ARMC9: variants seen among roughly 807,000 people sequenced by gnomAD.
The protein encoded by ARMC9 is armadillo repeat containing 9, also known as lisH domain-containing protein ARMC9.
Under a neutral mutation model 107.0 loss-of-function variants are expected in ARMC9, and 94 were observed. The ratio of observed to expected loss-of-function variants is 0.88; its 90% CI spans 0.74 to 1.04. The LOEUF (loss-of-function observed/expected upper bound fraction) is 1.04, where lower values mean the gene tolerates loss of function less well. ARMC9 is among the 50% of genes least tolerant of loss of function. The pLI is 0.00. For synonymous variants in ARMC9, 380 were observed against 396.9 expected (o/e 0.96, Z 0.51); for missense variants, 942 against 1,030.1 (o/e 0.91, Z 1.17).
At chr2:231,338,042 A>G (rs1188504962) in intron 20 of ARMC9, among the ~76,000 whole-genome samples, 2 of 152,116 alleles carry the variant, frequency 1.3e-5, no homozygotes, top group African/African-American at 4.8e-5. Context: ...GTCAGAGCCC[A>G]GGCTCTTTTC....
At chr2:231,241,397 A>G (rs550901316) in intron 9 of ARMC9, among the ~76,000 whole-genome samples, 6 of 152,000 alleles carry the variant, frequency 3.9e-5, no homozygotes, top group African/African-American at 7.3e-5. Flanking sequence ...TTGTCTCTCA[A>G]AGTCTTCAAA....
intron 17 of ARMC9, among the ~76,000 whole-genome samples, chr2:231,289,849 T>C (rs574019640): frequency 6.2e-4 from 95 of 152,312 alleles, no homozygotes; most frequent in African/African-American, 2.2e-3. Flanking sequence ...ATCCTAACCC[T>C]CTGCTCTTCT....
intron 3 of ARMC9, 86 bp from the exon 4 acceptor site, chr2:231,214,745 G>A (rs1261080660): frequency 8.8e-6 from 12 of 1,356,308 alleles, no homozygotes; most frequent in Non-Finnish European, 1.0e-5. Context: ...AGGAGTATAT[G>A]GGAGATCTGT....
At chr2:231,318,803 C>G (rs992749626) in intron 19 of ARMC9, among the ~76,000 whole-genome samples, 1 of 152,182 alleles carries the variant, frequency 6.6e-6, no homozygotes, top group African/African-American at 2.4e-5. Flanking sequence ...CTGACCTACT[C>G]CTGTTCCAGG....
rs1469929700 is a variant in ARMC9 at position 231,373,585 on chromosome 2, A to AT, written c.*2051dup. Reference sequence around the variant, plus strand: ...ATAGTCTTTTAGAGAAGTGGGGAGTATCCAACTTAGGGTCAAAATACACTG... The same window carrying AT: ...ATAGTCTTTTAGAGAAGTGGGGAGTATTCCAACTTAGGGTCAAAATACACTG... On this transcript the variant is annotated 3_prime_UTR_variant, in exon 25 of 25. Coordinates refer to ENST00000611582, the MANE Select transcript of ARMC9 (RefSeq NM_001352754.2). This position sits in a 1 kb window ranked among gnomAD's most constrained non-coding sequence, Gnocchi z 4.4. The AT allele has an allele frequency of 6.6e-6, 1 of 152,210 alleles. No individual in the cohort carries two copies. Among genetic ancestry groups the AT allele is most frequent in the Non-Finnish European group, 1.5e-5 (1 of 68,058 alleles). 9.4% of individuals were successfully genotyped at this position (152,210 alleles called of 1,614,324 possible).
rs151193935 is a variant in ARMC9 at position 231,285,577 on chromosome 2, C to T, written c.1626+3444C>T. Among the ~76,000 whole-genome samples the T allele has an allele frequency of 6.9e-3, 1,039 of 151,470 alleles. 11 individuals are homozygous for T. The highest frequency in any genetic ancestry group is 0.024 in the African/African-American group (998 of 41,260). On this transcript the variant is annotated intron_variant, in intron 17 of 24. Transcript: ENST00000611582. ...AGGAGAATCGCTTGAACCCAGGAGA[C>T]AGAGGTTGTAGTGAGCTGAGATCAT...
intron 19 of ARMC9, among the ~76,000 whole-genome samples, chr2:231,324,242 C>T (rs1282307324): frequency 2.0e-5 from 3 of 149,634 alleles, no homozygotes; most frequent in African/African-American, 7.4e-5. Flanking sequence ...ATTCTTCTGC[C>T]TCAGCCTCCT....
rs1365059077 is a variant in ARMC9, at chr2:231,349,923, G to A, written c.1994+4833G>A. On this transcript the variant is annotated intron_variant, in intron 21 of 24. Coordinates refer to ENST00000611582, the MANE Select transcript of ARMC9 (RefSeq NM_001352754.2). ...ACACAGGATGAATACTTGAGGGGAT[G>A]AGTACTCCATTCTCCATGATGTGAT... Among the ~76,000 whole-genome samples, 5 of 151,976 alleles carry A rather than the reference G, an allele frequency of 3.3e-5. No individual in the cohort carries two copies. The East Asian group carries it at 9.6e-4, about 29-fold the overall frequency.
rs1668580504 is a variant in ARMC9 at position 231,255,312 on chromosome 2, T to A, written c.880-1274T>A. On this transcript the variant is annotated intron_variant, in intron 9 of 24. Coordinates refer to ENST00000611582, the MANE Select transcript of ARMC9 (RefSeq NM_001352754.2). This position sits in a 1 kb window ranked among gnomAD's most constrained non-coding sequence, Gnocchi z 4.7. ...AAAAGAGAGTGGGGTGGAAGAGGGG[T>A]TGTTAATGTTTTTTAAACACGTGTA... 6.6e-6 allele frequency among the ~76,000 whole-genome samples: 1 copy of A among 151,562 alleles called. No homozygotes were observed. Among genetic ancestry groups the A allele is most frequent in the African/African-American group, 2.4e-5 (1 of 41,246 alleles).
At chr2:231,214,327 G>C (rs1420773293) in intron 3 of ARMC9, among the ~76,000 whole-genome samples, 1 of 152,200 alleles carries the variant, frequency 6.6e-6, no homozygotes, top group Non-Finnish European at 1.5e-5. Flanking sequence ...GGGGCAAGTG[G>C]CAGCTCTATC....
At chr2:231,230,863 G>T (rs958487964) in intron 7 of ARMC9, among the ~76,000 whole-genome samples, 1 of 152,124 alleles carries the variant, frequency 6.6e-6, no homozygotes, top group East Asian at 1.9e-4. Context: ...TTCTTTTCCC[G>T]AATATTTTCA....
intron 10 of ARMC9, among the ~76,000 whole-genome samples, chr2:231,258,379 C>A (rs995598546): frequency 2.0e-5 from 3 of 152,044 alleles, no homozygotes; most frequent in Non-Finnish European, 2.9e-5. Flanking sequence ...CGGGGTTTCA[C>A]CATGTTGGCC....
rs995273535 is a variant in ARMC9, at chr2:231,300,926, G to A, written c.1773+4673G>A. 5.3e-5 allele frequency among the ~76,000 whole-genome samples: 8 copies of A among 152,144 alleles called. 1 individual carries two copies. In the South Asian group the frequency reaches 8.3e-4, roughly 16 times the overall value. On this transcript the variant is annotated intron_variant, in intron 19 of 24. Coordinates refer to ENST00000611582, the MANE Select transcript of ARMC9 (RefSeq NM_001352754.2). ...AGGGAAGGGTGTGGCCAGCAGGGGT[G>A]GCATCCTCTGGGGGAGACAGCACAA...
intron 9 of ARMC9, chr2:231,256,145 G>A: frequency 1.3e-6 from 2 of 1,541,544 alleles, no homozygotes; most frequent in Non-Finnish European, 1.8e-6. Flanking sequence ...GGTCACCAAG[G>A]TCCTGGGCAG....
chr2:231,248,240 T>C (rs918294507), intron 9 of ARMC9, among the ~76,000 whole-genome samples: 1 of 152,226 alleles, frequency 6.6e-6, no homozygotes, highest in African/African-American at 2.4e-5. Flanking sequence ...ACATTGCTGT[T>C]GTTTTTGTGT....
chr2:231,213,058 C>G (rs2033079126), intron 3 of ARMC9, among the ~76,000 whole-genome samples: 1 of 152,082 alleles, frequency 6.6e-6, no homozygotes, highest in Non-Finnish European at 1.5e-5. Context: ...ATTATTTGTT[C>G]TCTATACATT....
chr2:231,318,782 A>G (rs1021269728), intron 19 of ARMC9, among the ~76,000 whole-genome samples: 2 of 152,208 alleles, frequency 1.3e-5, no homozygotes, highest in Non-Finnish European at 2.9e-5. Context: ...ATAACTGTAG[A>G]GAGGAATTGC....
At chr2:231,270,625 T>C (rs997517724) in intron 12 of ARMC9, 13 of 489,670 alleles carry the variant, frequency 2.7e-5, no homozygotes, top group Admixed American at 2.1e-4. Context: ...TATTGTAGTT[T>C]TACTGTGGCT....
At chr2:231,339,336 A>G (rs2044349676) in intron 20 of ARMC9, among the ~76,000 whole-genome samples, 2 of 152,182 alleles carry the variant, frequency 1.3e-5, no homozygotes, top group Admixed American at 6.5e-5. Context: ...CTTGTGAAAA[A>G]AAAAAAAATT....
Sources: allele counts gnomAD v4.1 joint callset (sites outside exome capture counted in the v4.1 genomes callset), GRCh38; gene constraint gnomAD v4.1.1; non-coding constraint Gnocchi (gnomAD v3.1); transcripts MANE v1.5; gene names NCBI Gene and HGNC (gene_info 2026-07-23, HGNC 2026-07-21).